The following CATSPERE variants were observed in gnomAD, a reference collection of about 807,000 sequenced individuals.
CATSPERE encodes the protein catsper channel auxiliary subunit epsilon.
A neutral mutation model predicts 114.1 loss-of-function variants in CATSPERE; 93 were observed. The ratio of observed to expected loss-of-function variants is 0.81; its 90% CI spans 0.69 to 0.97. The LOEUF (loss-of-function observed/expected upper bound fraction) is 0.97. CATSPERE is among the 50% of genes least tolerant of loss of function. CATSPERE has a pLI of 0.00. For synonymous variants in CATSPERE, 341 were observed against 384.1 expected (o/e 0.89, Z 1.31); for missense variants, 1,058 against 1,131.6 (o/e 0.93, Z 0.93).
At chr1:244,532,069 C>G (rs558645764) in intron 8 of CATSPERE, among the ~76,000 whole-genome samples, 1 of 152,206 alleles carries the variant, frequency 6.6e-6, no homozygotes, top group South Asian at 2.1e-4. Flanking sequence ...TTGTATGTGT[C>G]TAGGAATGTA....
intron 13 of CATSPERE, among the ~76,000 whole-genome samples, chr1:244,586,224 C>G (rs998792069): frequency 2.6e-5 from 4 of 152,194 alleles, no homozygotes; most frequent in African/African-American, 9.6e-5. Context: ...ATACCTGCAA[C>G]TCCTTTTCAA....
rs376827232 is a variant in CATSPERE at position 244,607,936 on chromosome 1, A to T, written c.2403+2142A>T. 6.6e-6 allele frequency among the ~76,000 whole-genome samples: 1 copy of T among 151,662 alleles called. No individual in the cohort carries two copies. The highest frequency in any genetic ancestry group is 2.4e-5 in the African/African-American group (1 of 41,248). Reference sequence around the variant, plus strand: ...AGACTGACCAACATGGTGAAACCCCATATCTCCTAAAAATAAAAAAATTAG... The same window carrying T: ...AGACTGACCAACATGGTGAAACCCCTTATCTCCTAAAAATAAAAAAATTAG... On this transcript the variant is annotated intron_variant, in intron 18 of 21. Coordinates refer to ENST00000366534, the MANE Select transcript of CATSPERE (RefSeq NM_001130957.2). The surrounding 1 kb of genome is among the most constrained non-coding windows in gnomAD (Gnocchi z 4.4).
chr1:244,550,599 T>G (rs895187704), intron 8 of CATSPERE, among the ~76,000 whole-genome samples: 2 of 152,198 alleles, frequency 1.3e-5, no homozygotes, highest in African/African-American at 4.8e-5. Flanking sequence ...AAAATGATAC[T>G]GTGATTTAAG....
chr1:244,499,185 C>T, intron 7 of CATSPERE, 106 bp downstream of exon 7: 1 of 720,120 alleles, frequency 1.4e-6, no homozygotes, highest in Admixed American at 2.5e-5. Flanking sequence ...AAGCTGCCCA[C>T]ACCTAACTAA....
intron 11 of CATSPERE, among the ~76,000 whole-genome samples, chr1:244,576,800 A>G (rs1033196631): frequency 2.0e-5 from 3 of 152,176 alleles, no homozygotes; most frequent in African/African-American, 4.8e-5. Context: ...GCTATCTGAT[A>G]CAATGGAATG....
At chr1:244,617,904 T>C (rs1241745280) in intron 20 of CATSPERE, among the ~76,000 whole-genome samples, 3 of 152,226 alleles carry the variant, frequency 2.0e-5, no homozygotes, top group South Asian at 4.1e-4. Context: ...CTGAGGACTT[T>C]CCTGGGTTCA....
At chr1:244,625,430 A>ATTTTTTTTTTTTTTTTTTT (rs1476267922) in intron 20 of CATSPERE, among the ~76,000 whole-genome samples, 45 of 4,342 alleles carry the variant, frequency 0.01, 8 homozygotes, top group East Asian at 0.058. Flanking sequence ...ATATATATAT[A>ATTTTTTTTTTTTTTTTTTT]TATTTTTTTT....
At chr1:244,530,694 A>G (rs1425323860) in intron 8 of CATSPERE, among the ~76,000 whole-genome samples, 1 of 152,082 alleles carries the variant, frequency 6.6e-6, no homozygotes, top group Non-Finnish European at 1.5e-5. Context: ...TAGTTGTTGC[A>G]TCAATATTTT....
In CATSPERE at chr1:244,518,612, A is replaced by G. The variant is rs537597123; in HGVS notation, c.450A>G (p.Thr150=). The change falls in exon 8 of 22, where the codon ACA becomes ACG. Residue 150 remains threonine (T), a synonymous_variant. Transcript: ENST00000366534. ...EPSINSIVLS[T]QMATLGQKPV... ...TACAGAATTCCATAGTACTCAGCAC[A>G]CAGATGGCCACATTGGGACAGAAGC... The G allele has an allele frequency of 1.0e-5, 16 of 1,591,794 alleles. No individual in the cohort carries two copies. Among genetic ancestry groups the G allele is most frequent in the Non-Finnish European group, 1.4e-5 (16 of 1,162,110 alleles).
At chr1:244,514,201 A>G (rs1676202993) in intron 7 of CATSPERE, among the ~76,000 whole-genome samples, 1 of 152,160 alleles carries the variant, frequency 6.6e-6, no homozygotes. Flanking sequence ...GTTTTCTTCT[A>G]AGAGTTTTAT....
chr1:244,505,555 G>A (rs1438541531), intron 7 of CATSPERE, among the ~76,000 whole-genome samples: 1 of 151,970 alleles, frequency 6.6e-6, no homozygotes, highest in African/African-American at 2.4e-5. Flanking sequence ...AATCATTCTG[G>A]ACTCCTTGCT....
At chr1:244,452,875 C>T (rs79349311), upstream of CATSPERE, among the ~76,000 whole-genome samples, 1,882 of 152,202 alleles carry the variant, frequency 0.012, 33 homozygotes, top group African/African-American at 0.042. Context: ...AATGCCCTTT[C>T]GACACCAACA....
chr1:244,497,470 T>C (rs1291934987), intron 6 of CATSPERE, among the ~76,000 whole-genome samples: 1 of 152,162 alleles, frequency 6.6e-6, no homozygotes. Context: ...GCTCAAACTT[T>C]CTCAAAATAA....
Position 244,463,925 on chromosome 1 carries a change from C to G in CATSPERE, c.83C>G (p.Pro28Arg). The change falls in exon 2 of 22, where the codon CCA becomes CGA. Residue 28 changes from proline (P) to arginine (R), a missense_variant. By Grantham distance (103) the Pro-to-Arg change is moderately radical (BLOSUM62 -2). This residue lies in a region of CATSPERE where 271 missense variants were observed against 225.9 expected (regional missense o/e 1.20). Transcript: ENST00000366534. Reference protein sequence around the residue: ...SALWRYSTNSPNYRIFSTRST... With the variant: ...SALWRYSTNSRNYRIFSTRST... Reference sequence around the variant, plus strand: ...CTCCACAGGTATTCCACTAACAGCCCAAACTATCGCATTTTTAGTACCAGA... The same window carrying G: ...CTCCACAGGTATTCCACTAACAGCCGAAACTATCGCATTTTTAGTACCAGA... The G allele has an allele frequency of 6.2e-7, 1 of 1,601,396 alleles. No homozygotes were observed. The highest frequency in any genetic ancestry group is 8.6e-7 in the Non-Finnish European group (1 of 1,168,702).
At position 244,560,814 on chromosome 1, in the gene CATSPERE, CA is replaced by C. The variant is rs1330883024; in HGVS notation, c.1177del (p.Arg393GlyfsTer15). 1 of 1,613,900 alleles carries C rather than the reference CA, an allele frequency of 6.2e-7. No individual in the cohort carries two copies. Among genetic ancestry groups the C allele is most frequent in the Non-Finnish European group, 8.5e-7 (1 of 1,179,972 alleles). On this transcript the variant is annotated frameshift_variant, in exon 10 of 22. Coordinates refer to ENST00000366534, the MANE Select transcript of CATSPERE (RefSeq NM_001130957.2). LOFTEE classifies it high-confidence loss of function. The part of the protein sequence containing the change: ...LSVTATLTID[R>X]VEYTGHPLEI... ...CGGTGACTGCTACTCTGACCATAGA[CA>C]GGGTTGAGTATACAGGACACCCTCT...
chr1:244,528,136 G>A (rs1010829493), intron 8 of CATSPERE, among the ~76,000 whole-genome samples: 1 of 152,114 alleles, frequency 6.6e-6, no homozygotes, highest in Admixed American at 6.6e-5. Flanking sequence ...CAGGTTCCCT[G>A]CATATGTTGT....
At chr1:244,491,716 AAG>A (rs1419710536) in intron 6 of CATSPERE, among the ~76,000 whole-genome samples, 2 of 152,194 alleles carry the variant, frequency 1.3e-5, no homozygotes, top group Non-Finnish European at 2.9e-5. Context: ...TAAAGAAGAA[AAG>A]AGAGAAGAAT....
Position 244,560,970 on chromosome 1 carries a change from T to A in CATSPERE, c.1332T>A (p.Ser444Arg). The change falls in exon 10 of 22, where the codon AGT (serine) becomes AGA (arginine). Residue 444 changes from serine to arginine, a missense_variant. Ser to Arg is a moderately radical substitution (Grantham distance 110). This residue lies in a region of CATSPERE where 787 missense variants were observed against 905.6 expected (regional missense o/e 0.87). Transcript: ENST00000366534. ...TTACATTAGATGCCCCTATTGACAG[T>A]GTTACCATGCCACATTTTACATTTT... ...QDFTLDAPIDSVTMPHFTFSA... is the reference protein window; with the variant it reads ...QDFTLDAPIDRVTMPHFTFSA... The A allele has an allele frequency of 6.2e-7, 1 of 1,614,132 alleles. No homozygotes were observed. The highest frequency in any genetic ancestry group is 8.5e-7 in the Non-Finnish European group (1 of 1,180,004).
At chr1:244,614,744 C>G (rs1322392675) in intron 19 of CATSPERE, among the ~76,000 whole-genome samples, 1 of 152,168 alleles carries the variant, frequency 6.6e-6, no homozygotes, top group Non-Finnish European at 1.5e-5. Flanking sequence ...TCCAATCACA[C>G]TTGTGGTTAC....
Sources: gnomAD v4.1 joint callset for allele counts (sites outside exome capture counted in the v4.1 genomes callset) on GRCh38, gnomAD v4.1.1 for gene constraint, gnomAD v4.1.1 regional missense constraint, Gnocchi (gnomAD v3.1) non-coding constraint, MANE v1.5 for transcripts, NCBI Gene and HGNC (gene_info 2026-07-23, HGNC 2026-07-21) for gene names.